MACF1: variants seen among roughly 807,000 people sequenced by gnomAD.
MACF1 encodes the protein microtubule-actin cross-linking factor 1.
In MACF1, 193 loss-of-function variants were observed where a neutral mutation model predicts 854.8. The observed-to-expected ratio is 0.23, with a 90% CI of 0.20 to 0.25. MACF1 has a LOEUF of 0.25. Among genes scored for constraint, MACF1 ranks in the 10% least tolerant of loss-of-function variants. The pLI is 1.00. For synonymous variants in MACF1, 3,185 were observed against 3,226.7 expected, an observed-to-expected ratio of 0.99 and a Z score of 0.44; for missense variants, 7,722 against 8,929.1, an observed-to-expected ratio of 0.86 and a Z score of 5.45.
intron 2 of MACF1, among the ~76,000 whole-genome samples, chr1:39,089,029 G>A (rs1036519519): frequency 1.2e-4 from 18 of 152,174 alleles, no homozygotes; most frequent in African/African-American, 4.3e-4. Context: ...ATTCAAAGAT[G>A]ACTGAAGATG....
At chr1:39,345,024 A>C (rs969096132) in intron 40 of MACF1, among the ~76,000 whole-genome samples, 6 of 152,058 alleles carry the variant, frequency 3.9e-5, no homozygotes, top group Non-Finnish European at 8.8e-5. Context: ...TATCTGCCTA[A>C]CTACCTACTG....
chr1:39,458,594 C>A lies in MACF1; in HGVS notation c.21196+104C>A, dbSNP rs969819379. The A allele has an allele frequency of 2.8e-6, 4 of 1,420,328 alleles. No homozygotes were observed. The African/African-American group carries it at 5.7e-5, about 20-fold the overall frequency. The allele number at this position is 1,420,328 out of a possible 1,614,324, so 88.0% of individuals were successfully genotyped here. On this transcript the variant is annotated intron_variant, in intron 90 of 100. Transcript: ENST00000564288. ...AAAATTATATTCCATTTTCAAAAAC[C>A]GTGTTGGTTTTGAACCAAAATCTCT...
rs1645072130 is a variant in MACF1, at chr1:39,484,644, C to T, written c.22325C>T (p.Thr7442Ile). 1 of 1,613,910 alleles carries T rather than the reference C, an allele frequency of 6.2e-7. No individual in the cohort carries two copies. The highest frequency in any genetic ancestry group is 8.5e-7 in the Non-Finnish European group (1 of 1,179,938). Residue 7442 changes from threonine (T) to isoleucine (I), a missense_variant, in exon 100 of 101, where the codon ACT becomes ATT. Transcript: ENST00000564288. ...SGSKLKRPTP[T>I]FHSSRTSLAG... is the part of the protein sequence containing the mutation. The stretch of plus-strand genomic sequence containing the variant: ...AGCAAGTTGAAACGACCAACACCAA[C>T]TTTTCATTCTAGTCGGACATCCCTT...
chr1:39,385,630 T>C lies in MACF1; in HGVS notation c.14045T>C (p.Ile4682Thr). The part of the protein sequence containing the change: ...NSRSSQIDQA[I>T]VKSTQYQELL... Reference sequence around the variant, plus strand: ...CGTTCCAGCCAAATTGACCAAGCTATTGTTAAGAGCACCCAGTACCAGGAA... The same window carrying C: ...CGTTCCAGCCAAATTGACCAAGCTACTGTTAAGAGCACCCAGTACCAGGAA... Residue 4682 changes from isoleucine (I) to threonine (T), a missense_variant, in exon 57 of 101, where the codon ATT (isoleucine) becomes ACT (threonine). Physicochemically the swap from Ile to Thr is moderately conservative, Grantham distance 89 (BLOSUM62 -1). Around this residue, in one of 15 missense-constraint regions of MACF1, gnomAD observed 2,807 missense variants for 3,235.8 expected, o/e 0.87. Transcript: ENST00000564288. 6.2e-7 allele frequency: 1 copy of C among 1,614,080 alleles called. No individual in the cohort carries two copies. Among genetic ancestry groups the C allele is most frequent in the Non-Finnish European group, 8.5e-7 (1 of 1,180,020 alleles).
chr1:39,159,065 G>C (rs1405835014), intron 2 of MACF1, among the ~76,000 whole-genome samples: 2 of 152,156 alleles, frequency 1.3e-5, no homozygotes, highest in Non-Finnish European at 2.9e-5. Flanking sequence ...CTTGCTGATC[G>C]TGTGAGCACT....
rs1049049908 is a variant in MACF1, at chr1:39,370,196, C to G, written c.13095+10C>G. On this transcript the variant is annotated intron_variant, in intron 51 of 100. Transcript: ENST00000564288. Reference sequence around the variant, plus strand: ...GATTGAACACCTGAAGGTAGGTGAACAAAGGGACTCCAAGAATTGGGCTAG... The same window carrying G: ...GATTGAACACCTGAAGGTAGGTGAAGAAAGGGACTCCAAGAATTGGGCTAG... 19 of 1,598,678 alleles carry G rather than the reference C, an allele frequency of 1.2e-5. No homozygotes were observed. Among genetic ancestry groups the G allele is most frequent in the Non-Finnish European group, 1.5e-5 (17 of 1,171,970 alleles).
chr1:39,461,394 G>A (rs1041989712), intron 92 of MACF1, among the ~76,000 whole-genome samples: 2 of 152,142 alleles, frequency 1.3e-5, no homozygotes, highest in African/African-American at 4.8e-5. Flanking sequence ...ATTTGAAATG[G>A]GGAATATTAC....
chr1:39,374,508 G>A (rs1649540655), intron 52 of MACF1, among the ~76,000 whole-genome samples: 1 of 152,190 alleles, frequency 6.6e-6, no homozygotes, highest in Non-Finnish European at 1.5e-5. Flanking sequence ...TTATTCGTGT[G>A]ACTAAATCAG....
At chr1:39,104,194 T>C (rs1642162286) in intron 2 of MACF1, among the ~76,000 whole-genome samples, 1 of 152,180 alleles carries the variant, frequency 6.6e-6, no homozygotes, top group South Asian at 2.1e-4. Flanking sequence ...CAGGGGAGGA[T>C]AACTGCTAAA....
intron 2 of MACF1, among the ~76,000 whole-genome samples, chr1:39,145,145 A>G (rs1042675714): frequency 2.0e-5 from 3 of 152,078 alleles, no homozygotes; most frequent in Non-Finnish European, 4.4e-5. Flanking sequence ...TTACAGATTT[A>G]TGAGCTCTAG....
Position 39,459,207 on chromosome 1 carries a change from G to A in MACF1, c.21318G>A (p.Glu7106=). 1 of 1,614,002 alleles carries A rather than the reference G, an allele frequency of 6.2e-7. No individual in the cohort carries two copies. Among genetic ancestry groups the A allele is most frequent in the South Asian group, 1.1e-5 (1 of 91,058 alleles). Residue 7106 remains glutamate, a synonymous_variant, in exon 91 of 101, where the codon GAG becomes GAA. Transcript: ENST00000564288. ...RWQQVWLLAL[E]RQRKLNDALD... is the part of the protein sequence containing the mutation. ...AGCAGGTGTGGCTGTTAGCACTGGA[G>A]CGGCAAAGGAAACTGAATGATGCCT...
At chr1:39,430,548 T>A (rs1007331215) in intron 65 of MACF1, among the ~76,000 whole-genome samples, 154 bp from the exon 66 acceptor site, 5 of 152,106 alleles carry the variant, frequency 3.3e-5, no homozygotes, top group African/African-American at 1.2e-4. Flanking sequence ...GGCTTCAGAA[T>A]GATTGAAAAA....
rs754812831 is a variant in MACF1 at position 39,303,092 on chromosome 1, G to A, written c.2789+14G>A. The A allele has an allele frequency of 1.9e-6, 3 of 1,612,216 alleles. No individual in the cohort carries two copies. The highest frequency in any genetic ancestry group is 2.5e-6 in the Non-Finnish European group (3 of 1,179,148). Reference sequence around the variant, plus strand: ...GATGGCCAGCAGGTAACTTGGCTCAGCTGCCACTGGTACACCCACCTCTGC... The same window carrying A: ...GATGGCCAGCAGGTAACTTGGCTCAACTGCCACTGGTACACCCACCTCTGC... On this transcript the variant is annotated intron_variant, in intron 23 of 100. Coordinates refer to ENST00000564288, the MANE Select transcript of MACF1 (RefSeq NM_001394062.1).
At chr1:39,256,670 C>T (rs767946639) in intron 5 of MACF1, among the ~76,000 whole-genome samples, 12 of 152,106 alleles carry the variant, frequency 7.9e-5, no homozygotes, top group African/African-American at 2.7e-4. Flanking sequence ...GAAATTCCTC[C>T]GTTCCCAGCA....
At chr1:39,102,028 T>G (rs1362390608) in intron 2 of MACF1, among the ~76,000 whole-genome samples, 1 of 150,574 alleles carries the variant, frequency 6.6e-6, no homozygotes, top group African/African-American at 2.4e-5. Context: ...TACAAAAAAT[T>G]AGCCGGGCGA....
chr1:39,443,546 C>T lies in MACF1; in HGVS notation c.19403C>T (p.Thr6468Ile). 1 of 1,613,108 alleles carries T rather than the reference C, an allele frequency of 6.2e-7. No individual in the cohort carries two copies. The highest frequency in any genetic ancestry group is 8.5e-7 in the Non-Finnish European group (1 of 1,179,682). ...ASKPTGGLPE[T>I]AREQLDTHME... Reference sequence around the variant, plus strand: ...AAGCCCACAGGAGGACTTCCTGAAACTGCTAGGGAACAGCTTGATACACAT... The same window carrying T: ...AAGCCCACAGGAGGACTTCCTGAAATTGCTAGGGAACAGCTTGATACACAT... The change falls in exon 79 of 101, where the codon ACT becomes ATT. Residue 6468 changes from threonine (T) to isoleucine (I), a missense_variant. Thr to Ile is a moderately conservative substitution (Grantham distance 89). Around this residue, in one of 15 missense-constraint regions of MACF1, gnomAD observed 729 missense variants for 900.5 expected, o/e 0.81. Coordinates refer to ENST00000564288, the MANE Select transcript of MACF1 (RefSeq NM_001394062.1).
chr1:39,276,399 C>A (rs908336461), intron 6 of MACF1, among the ~76,000 whole-genome samples: 1 of 152,122 alleles, frequency 6.6e-6, no homozygotes. Flanking sequence ...GATACCAAGT[C>A]GAAACTCCTC....
At position 39,283,939 on chromosome 1, in the gene MACF1, A is replaced by T; in HGVS notation, c.916-127A>T. 9.6e-7 allele frequency: 1 copy of T among 1,043,412 alleles called. No homozygotes were observed. The highest frequency in any genetic ancestry group is 1.4e-6 in the Non-Finnish European group (1 of 706,174). The allele number at this position is 1,043,412 out of a possible 1,614,324, so 64.6% of individuals were successfully genotyped here. A position where few individuals can be genotyped will look rare whatever the true frequency, so the allele number is the denominator to read the frequency against. ...TTGAAGCTAGTACTGTGAGCATTAA[A>T]CTGAGCAGCATCTAGGCAATTAAAG... On this transcript the variant is annotated intron_variant, in intron 9 of 100. Transcript: ENST00000564288. This position sits in a 1 kb window ranked among gnomAD's most constrained non-coding sequence, Gnocchi z 4.5.
At chr1:39,314,569 T>A (rs3121902) in intron 26 of MACF1, among the ~76,000 whole-genome samples, 16,069 of 64,700 alleles carry the variant, frequency 0.25, 1,174 homozygotes, top group Non-Finnish European at 0.33. Flanking sequence ...TCTCTCTCTC[T>A]CACACACACA....
Sources: allele counts gnomAD v4.1 joint callset (sites outside exome capture counted in the v4.1 genomes callset), GRCh38; gene constraint gnomAD v4.1.1; regional missense constraint gnomAD v4.1.1; non-coding constraint Gnocchi (gnomAD v3.1); transcripts MANE v1.5; gene names NCBI Gene and HGNC (gene_info 2026-07-23, HGNC 2026-07-21).